Variants in DLGAP1 observed in about 807,000 individuals in gnomAD.
DLGAP1 encodes DLG associated protein 1.
DLGAP1 carries 11 observed loss-of-function variants against 90.8 expected under a neutral mutation model. The ratio of observed to expected loss-of-function variants is 0.12; its 90% CI spans 0.08 to 0.20. DLGAP1 has a LOEUF of 0.20. Among genes scored for constraint, DLGAP1 ranks in the 10% least tolerant of loss-of-function variants. DLGAP1 has a pLI of 1.00. For missense variants in DLGAP1, 1,050 were observed against 1,333.8 expected, an observed-to-expected ratio of 0.79 and a Z score of 3.31; for synonymous variants, 558 against 540.7, an observed-to-expected ratio of 1.03 and a Z score of -0.44.
chr18:4,086,037 A>G (rs2075676061), intron 2 of DLGAP1, among the ~76,000 whole-genome samples: 1 of 152,188 alleles, frequency 6.6e-6, no homozygotes, highest in Admixed American at 6.6e-5. Flanking sequence ...GTGTCAAATA[A>G]CTACCTTTCA....
At chr18:4,394,174 T>A (rs77218474) in intron 1 of DLGAP1, among the ~76,000 whole-genome samples, 14,553 of 152,156 alleles carry the variant, frequency 0.096, 999 homozygotes, top group African/African-American at 0.2. Context: ...GACAAAACAG[T>A]AAAAGAAGAA....
chr18:4,148,842 G>A (rs1351435996), intron 2 of DLGAP1, among the ~76,000 whole-genome samples: 1 of 152,086 alleles, frequency 6.6e-6, no homozygotes, highest in African/African-American at 2.4e-5. Context: ...TTCTTCCTCT[G>A]AGCATATGAT....
chr18:4,011,220 C>T (rs1284243468), intron 2 of DLGAP1, among the ~76,000 whole-genome samples: 1 of 150,824 alleles, frequency 6.6e-6, no homozygotes, highest in South Asian at 2.1e-4. Flanking sequence ...CCATCAGACG[C>T]TCTCTGTCTA....
At chr18:3,500,871 CATT>C (rs2049893234) in intron 12 of DLGAP1, among the ~76,000 whole-genome samples, 1 of 151,910 alleles carries the variant, frequency 6.6e-6, no homozygotes, top group Admixed American at 6.6e-5. Flanking sequence ...ATTTTTTAGT[CATT>C]TTCCTTTCCT....
intron 4 of DLGAP1, among the ~76,000 whole-genome samples, chr18:3,856,903 T>G (rs549883033): frequency 6.6e-6 from 1 of 152,148 alleles, no homozygotes; most frequent in South Asian, 2.1e-4. Flanking sequence ...TTTAGTGTCA[T>G]GCTACATCCA....
At chr18:4,041,319 T>C (rs2074971342) in intron 2 of DLGAP1, among the ~76,000 whole-genome samples, 1 of 152,174 alleles carries the variant, frequency 6.6e-6, no homozygotes. Flanking sequence ...TATAGGATTG[T>C]CACACTATTC....
intron 3 of DLGAP1, among the ~76,000 whole-genome samples, chr18:3,977,434 G>GGTT (rs767760816): frequency 9.4e-5 from 9 of 95,340 alleles, no homozygotes; most frequent in Non-Finnish European, 1.4e-4. Flanking sequence ...TTTATTCTGT[G>GGTT]TTTTTTTTTT....
chr18:3,782,947 A>G (rs1364868349), intron 5 of DLGAP1, among the ~76,000 whole-genome samples: 2 of 152,220 alleles, frequency 1.3e-5, no homozygotes, highest in African/African-American at 4.8e-5. Context: ...CAACTCCTAC[A>G]ACTCAATTAT....
intron 4 of DLGAP1, among the ~76,000 whole-genome samples, chr18:3,829,996 A>G (rs932323304): frequency 1.6e-4 from 24 of 152,122 alleles, no homozygotes; most frequent in Non-Finnish European, 2.1e-4. Context: ...TGTGAGCTGC[A>G]TATGCTCCGT....
At chr18:4,044,868 C>T (rs2075025968) in intron 2 of DLGAP1, among the ~76,000 whole-genome samples, 1 of 152,040 alleles carries the variant, frequency 6.6e-6, no homozygotes, top group African/African-American at 2.4e-5. Context: ...GTTGAAGGTG[C>T]GGCCTGGTGG....
chr18:4,444,733 G>C (rs1362709858), intron 1 of DLGAP1, among the ~76,000 whole-genome samples: 1 of 152,166 alleles, frequency 6.6e-6, no homozygotes, highest in Admixed American at 6.5e-5. Context: ...ATGGTTGGCA[G>C]ATCGGTTTTT....
At chr18:3,587,434 C>T (rs762402913) in intron 7 of DLGAP1, among the ~76,000 whole-genome samples, 4 of 152,082 alleles carry the variant, frequency 2.6e-5, no homozygotes, top group African/African-American at 7.2e-5. Context: ...GGATTGTAAA[C>T]GCACCAATCA....
At chr18:4,367,345 A>G (rs1790910631) in intron 1 of DLGAP1, among the ~76,000 whole-genome samples, 1 of 152,070 alleles carries the variant, frequency 6.6e-6, no homozygotes, top group South Asian at 2.1e-4. Context: ...TTTAGGGTTC[A>G]AAGATGTATC....
intron 7 of DLGAP1, among the ~76,000 whole-genome samples, chr18:3,644,740 G>A (rs1267931032): frequency 6.6e-6 from 1 of 152,090 alleles, no homozygotes; most frequent in Non-Finnish European, 1.5e-5. Flanking sequence ...AGCACTGTAT[G>A]AGAAAGCTAA....
intron 4 of DLGAP1, among the ~76,000 whole-genome samples, chr18:3,856,419 A>G (rs916385191): frequency 1.3e-5 from 2 of 152,158 alleles, no homozygotes; most frequent in Non-Finnish European, 2.9e-5. Context: ...TGTTAATTAG[A>G]TGAGAGAATT....
chr18:3,602,031 A>G (rs985764544), intron 7 of DLGAP1, among the ~76,000 whole-genome samples: 1 of 151,802 alleles, frequency 6.6e-6, no homozygotes, highest in African/African-American at 2.4e-5. Flanking sequence ...AAATAAATAA[A>G]TAAAACATAT....
intron 7 of DLGAP1, among the ~76,000 whole-genome samples, chr18:3,615,770 C>G (rs1199886223): frequency 6.6e-6 from 1 of 152,200 alleles, no homozygotes; most frequent in East Asian, 1.9e-4. Context: ...AACTCACTCT[C>G]TCATTCCCTG....
At chr18:3,905,323 C>A (rs929085779) in intron 3 of DLGAP1, among the ~76,000 whole-genome samples, 2 of 128,694 alleles carry the variant, frequency 1.6e-5, no homozygotes, top group African/African-American at 2.9e-5. Flanking sequence ...ACCGAGATCA[C>A]GCCACTGCAC....
chr18:3,701,569 A>C (rs1362772383), intron 7 of DLGAP1, among the ~76,000 whole-genome samples: 3 of 152,224 alleles, frequency 2.0e-5, no homozygotes, highest in Non-Finnish European at 4.4e-5. Context: ...GAGAGATTAG[A>C]AGTTGTTGGA....
Sources: gnomAD v4.1 joint callset for allele counts (sites outside exome capture counted in the v4.1 genomes callset) on GRCh38, gnomAD v4.1.1 for gene constraint, MANE v1.5 for transcripts, NCBI Gene and HGNC (gene_info 2026-07-23, HGNC 2026-07-21) for gene names.